Variants in DHX33 observed in about 807,000 individuals in gnomAD.
DHX33 encodes the protein DEAH-box helicase 33.
Under a neutral mutation model 72.5 loss-of-function variants are expected in DHX33, and 42 were observed. That is an observed-to-expected ratio of 0.58 (90% CI 0.45 to 0.75). DHX33 has a LOEUF of 0.75. DHX33 is among the 30% of genes least tolerant of loss of function. The pLI is 0.00. For synonymous variants in DHX33, 358 were observed against 366.1 expected, an observed-to-expected ratio of 0.98 and a Z score of 0.25; for missense variants, 842 against 917.5, an observed-to-expected ratio of 0.92 and a Z score of 1.06.
At position 5,468,959 on chromosome 17, in the gene DHX33, TGC is replaced by T; in HGVS notation, c.-102_-101del. The T allele has an allele frequency of 7.7e-6, 8 of 1,044,870 alleles. No homozygotes were observed. Among genetic ancestry groups the T allele is most frequent in the South Asian group, 4.2e-5 (3 of 70,628 alleles). 64.7% of individuals were successfully genotyped at this position (1,044,870 alleles called of 1,614,324 possible). On this transcript the variant is annotated 5_prime_UTR_variant, in exon 1 of 12. Transcript: ENST00000225296. ...ACACCGCCCCTTCCTCGCCGCCACG[TGC>T]TGGCGGCTCCCGGCGACCACCGATG... is the stretch of plus-strand genomic sequence containing the variant.
At position 5,468,746 on chromosome 17, in the gene DHX33, C is replaced by G; in HGVS notation, c.114G>C (p.Ala38=). Residue 38 remains alanine, a synonymous_variant, in exon 1 of 12, where the codon GCG becomes GCC. Coordinates refer to ENST00000225296, the MANE Select transcript of DHX33 (RefSeq NM_020162.4). ...CTCCTCCTCCTCTGCCGCCGCTGCC[C>G]GCAGTCAGCAGCATCACCACTTGCC... ...PGRQVVMLLT[A]GSGGRGGGGG... 1 of 1,611,172 alleles carries G rather than the reference C, an allele frequency of 6.2e-7. No homozygotes were observed. Among genetic ancestry groups the G allele is most frequent in the South Asian group, 1.1e-5 (1 of 90,822 alleles).
intron 5 of DHX33, 75 bp downstream of exon 5, chr17:5,455,922 A>AC: frequency 6.8e-7 from 1 of 1,470,998 alleles, no homozygotes; most frequent in African/African-American, 1.4e-5. Flanking sequence ...GGAGCCTGGT[A>AC]ACAGGTACAG....
chr17:5,461,583 G>A (rs189283978), intron 3 of DHX33, among the ~76,000 whole-genome samples: 26 of 149,194 alleles, frequency 1.7e-4, no homozygotes, highest in Middle Eastern at 3.4e-3. Context: ...GCGTCACCAC[G>A]CTGCAGCCTG....
At chr17:5,452,473 G>T (rs1317629619) in intron 8 of DHX33, among the ~76,000 whole-genome samples, 1 of 152,200 alleles carries the variant, frequency 6.6e-6, no homozygotes, top group Non-Finnish European at 1.5e-5. Context: ...CCGGCAGGTG[G>T]AGGTTGCAGT....
intron 2 of DHX33, 78 bp from the exon 3 acceptor site, chr17:5,462,624 G>T: frequency 9.9e-7 from 1 of 1,014,780 alleles, no homozygotes. Context: ...TTGGGCACTT[G>T]CACTACCACA....
At position 5,444,199 on chromosome 17, in the gene DHX33, G is replaced by A; in HGVS notation, c.*6C>T. The A allele has an allele frequency of 1.2e-6, 2 of 1,610,020 alleles. No individual in the cohort carries two copies. The highest frequency in any genetic ancestry group is 1.7e-6 in the Non-Finnish European group (2 of 1,176,846). ...ACCAGTGATTCTGGCGGCATCCTGG[G>A]GCGGCTCAGTTTCTGGCGGTTCTCA... is the stretch of plus-strand genomic sequence containing the variant. On this transcript the variant is annotated 3_prime_UTR_variant, in exon 12 of 12. Coordinates refer to ENST00000225296, the MANE Select transcript of DHX33 (RefSeq NM_020162.4). The surrounding 1 kb of genome is among the most constrained non-coding windows in gnomAD (Gnocchi z 4.9).
chr17:5,444,031 T>G lies in DHX33; in HGVS notation c.*174A>C, dbSNP rs566322262. Reference sequence around the variant, plus strand: ...TTTCCAGGTACAAATGATATGTCCATGTCTATATGGTTCAGTCCCAGGAGT... The same window carrying G: ...TTTCCAGGTACAAATGATATGTCCAGGTCTATATGGTTCAGTCCCAGGAGT... On this transcript the variant is annotated 3_prime_UTR_variant, in exon 12 of 12. Transcript: ENST00000225296. This position sits in a 1 kb window ranked among gnomAD's most constrained non-coding sequence, Gnocchi z 4.9. 1.9e-5 allele frequency: 13 copies of G among 697,034 alleles called. No homozygotes were observed. The highest frequency in any genetic ancestry group is 5.4e-5 in the African/African-American group (3 of 55,794). The allele number at this position is 697,034 out of a possible 1,614,324, so 43.2% of individuals were successfully genotyped here.
intron 11 of DHX33, among the ~76,000 whole-genome samples, chr17:5,445,405 G>A (rs1322080863): frequency 6.6e-6 from 1 of 152,122 alleles, no homozygotes; most frequent in Non-Finnish European, 1.5e-5. Context: ...GACACTCCAT[G>A]GTCCCCCATA....
At chr17:5,465,788 A>G (rs1339500279) in intron 1 of DHX33, among the ~76,000 whole-genome samples, 1 of 152,072 alleles carries the variant, frequency 6.6e-6, no homozygotes, top group African/African-American at 2.4e-5. Context: ...CATCCTCCCC[A>G]AGGGCCCACT....
chr17:5,458,612 G>C (rs1356186349), intron 4 of DHX33, among the ~76,000 whole-genome samples: 3 of 151,984 alleles, frequency 2.0e-5, no homozygotes. Context: ...AAACATGATA[G>C]AACTGTCAAG....
intron 1 of DHX33, among the ~76,000 whole-genome samples, chr17:5,467,113 G>T (rs1276614449): frequency 1.3e-5 from 2 of 152,180 alleles, no homozygotes; most frequent in South Asian, 2.1e-4. Context: ...AAAGCTAAGG[G>T]AGTACCAAAA....
chr17:5,451,128 C>T (rs921039641), intron 8 of DHX33, among the ~76,000 whole-genome samples, 194 bp from the exon 9 acceptor site: 2 of 152,188 alleles, frequency 1.3e-5, no homozygotes, highest in African/African-American at 2.4e-5. Context: ...TTTTTTGAGA[C>T]AGAGTCTTGC....
chr17:5,453,848 T>C lies in DHX33; in HGVS notation c.1280A>G (p.Asp427Gly), dbSNP rs764751219. The change falls in exon 7 of 12, where the codon GAT (aspartate) becomes GGT (glycine). Residue 427 changes from aspartate to glycine, a missense_variant. By Grantham distance (94) the Asp-to-Gly change is moderately conservative. Coordinates refer to ENST00000225296, the MANE Select transcript of DHX33 (RefSeq NM_020162.4). ...CTGGATCTCTGGCACGGTCATCTTA[T>C]CAAACTTCTCAAACTCGTCCTCCGT... Reference protein sequence around the residue: ...LYTEDEFEKFDKMTVPEIQRC... With the variant: ...LYTEDEFEKFGKMTVPEIQRC... 1 of 1,614,130 alleles carries C rather than the reference T, an allele frequency of 6.2e-7. No homozygotes were observed. Among genetic ancestry groups the C allele is most frequent in the East Asian group, 2.2e-5 (1 of 44,886 alleles).
At chr17:5,451,731 A>T (rs1916923595) in intron 8 of DHX33, among the ~76,000 whole-genome samples, 1 of 152,242 alleles carries the variant, frequency 6.6e-6, no homozygotes, top group Non-Finnish European at 1.5e-5. Flanking sequence ...TAGTAAATAT[A>T]TACATCCCAA....
At chr17:5,467,408 A>G (rs1904922024) in intron 1 of DHX33, among the ~76,000 whole-genome samples, 1 of 152,186 alleles carries the variant, frequency 6.6e-6, no homozygotes, top group Non-Finnish European at 1.5e-5. Context: ...TTATAACTAT[A>G]GGGTCTGGAT....
intron 9 of DHX33, 52 bp downstream of exon 9, chr17:5,450,755 G>A: frequency 1.2e-6 from 2 of 1,611,830 alleles, no homozygotes; most frequent in South Asian, 2.2e-5. Context: ...ACTACTTTGG[G>A]ACGGTTAACT....
rs1235947658 is a variant in DHX33, at chr17:5,468,651, T to C, written c.209A>G (p.Gln70Arg). The change falls in exon 1 of 12, where the codon CAG (glutamine) becomes CGG (arginine). Residue 70 changes from glutamine to arginine, a missense_variant. Gln to Arg is a conservative substitution (Grantham distance 43). Transcript: ENST00000225296. ...TTGGAAGATGGGCAGACTCCGGCGC[T>C]GCAGCTCCACAGCTTCAGGGTAGGG... ...ASPYPEAVEL[Q>R]RRSLPIFQAR... is the part of the protein sequence containing the mutation. 1.2e-6 allele frequency: 2 copies of C among 1,612,558 alleles called. No homozygotes were observed.
Position 5,460,957 on chromosome 17 carries a change from G to C in DHX33, c.831C>G (p.Ser277=). ...ACCATACCTGGTGGATCTGGAAGACGGAGACAAGCGCGGCGTGCAGGTAAT... is the reference window on the plus strand; with the variant it reads ...ACCATACCTGGTGGATCTGGAAGACCGAGACAAGCGCGGCGTGCAGGTAAT... ...QNDYLHAALV[S]VFQIHQEAPS... Residue 277 remains serine, a synonymous_variant, in exon 4 of 12, where the codon TCC becomes TCG. Transcript: ENST00000225296. 2.5e-6 allele frequency: 4 copies of C among 1,612,956 alleles called. No homozygotes were observed. Among genetic ancestry groups the C allele is most frequent in the South Asian group, 2.2e-5 (2 of 90,944 alleles).
rs1002484773 is a variant in DHX33, at chr17:5,453,631, T to C, written c.1345A>G (p.Met449Val). 3 of 1,614,196 alleles carry C rather than the reference T, an allele frequency of 1.9e-6. No individual in the cohort carries two copies. Among genetic ancestry groups the C allele is most frequent in the Non-Finnish European group, 2.5e-6 (3 of 1,180,032 alleles). The change falls in exon 8 of 12, where the codon ATG becomes GTG. Residue 449 changes from methionine to valine, a missense_variant. Transcript: ENST00000225296. Reference protein sequence around the residue: ...LASVMLQLLAMKVPNVLTFDF... With the variant: ...LASVMLQLLAVKVPNVLTFDF... ...AAGGTGAGCACATTTGGGACTTTCA[T>C]TGCTAGAAGCTGAAGCATCACACTG...
Sources: allele counts gnomAD v4.1 joint callset (sites outside exome capture counted in the v4.1 genomes callset), GRCh38; gene constraint gnomAD v4.1.1; non-coding constraint Gnocchi (gnomAD v3.1); transcripts MANE v1.5; gene names NCBI Gene and HGNC (gene_info 2026-07-23, HGNC 2026-07-21).